Variants in PLAC1 observed in about 807,000 individuals in gnomAD.
PLAC1 encodes the protein placenta-specific protein 1.
For synonymous variants in PLAC1, 68 were observed against 62.1 expected (o/e 1.09, Z -0.44); for missense variants, 136 against 163.2 (o/e 0.83, Z 0.91).
intron 2 of PLAC1, among the ~76,000 whole-genome samples, chrX:134,681,635 A>C (rs192284016): frequency 8.9e-6 from 1 of 112,025 alleles, no homozygotes; most frequent in African/African-American, 3.2e-5. Context: ...AAGAAGGTAA[A>C]GATGAAAAAG....
chrX:134,763,848 G>GAAAGAA (rs1429004626), intron 1 of PLAC1, among the ~76,000 whole-genome samples: 1 of 106,455 alleles, frequency 9.4e-6, no homozygotes, highest in African/African-American at 3.4e-5. Flanking sequence ...AAGAAAGAAA[G>GAAAGAA]AAAGAAAGAA....
At chrX:134,665,196 G>T (rs1472230788) in intron 2 of PLAC1, among the ~76,000 whole-genome samples, 1 of 110,733 alleles carries the variant, frequency 9.0e-6, no homozygotes, top group African/African-American at 3.3e-5. Flanking sequence ...AACATTTCCA[G>T]CTTCTTAGAA....
chrX:134,587,922 A>C (rs1031774587), intron 2 of PLAC1, among the ~76,000 whole-genome samples: 8 of 111,426 alleles, frequency 7.2e-5, no homozygotes, highest in Non-Finnish European at 9.4e-5. Context: ...TAACCTCCAA[A>C]CTGTAAGAAA....
intron 1 of PLAC1, among the ~76,000 whole-genome samples, chrX:134,611,079 C>T (rs910565998): frequency 1.8e-5 from 2 of 110,669 alleles, no homozygotes; most frequent in African/African-American, 6.6e-5. Context: ...GGGGTTTTGC[C>T]ATGTTGCCCA....
Position 134,643,576 on chromosome X carries a change from T to C in PLAC1, c.-131+14752A>G, listed in dbSNP as rs189575858. Among the ~76,000 whole-genome samples the C allele has an allele frequency of 4.5e-5, 5 of 111,635 alleles. No individual in the cohort carries two copies. The East Asian group carries it at 1.1e-3, about 25-fold the overall frequency. ...GTTTATCTCAGAAATTCAAGGCTGG[T>C]TCACCATTAGAAAATATACCAATGT... On this transcript the variant is annotated intron_variant, in intron 1 of 2. Transcript: ENST00000359237.
At chrX:134,632,579 C>T (rs901118684) in intron 1 of PLAC1, among the ~76,000 whole-genome samples, 1 of 111,724 alleles carries the variant, frequency 9.0e-6, no homozygotes, top group African/African-American at 3.3e-5. Flanking sequence ...GGCTCCTCCA[C>T]AGATCTAACC....
At chrX:134,664,243 C>G (rs1255658059) in intron 2 of PLAC1, among the ~76,000 whole-genome samples, 1 of 112,146 alleles carries the variant, frequency 8.9e-6, no homozygotes, top group African/African-American at 3.2e-5. Flanking sequence ...ATTTGCATTT[C>G]TAATCAGTTC....
chrX:134,749,646 G>A (rs1451947586), intron 1 of PLAC1, among the ~76,000 whole-genome samples: 1 of 112,256 alleles, frequency 8.9e-6, no homozygotes, highest in Non-Finnish European at 1.9e-5. Context: ...AGAAAACTCT[G>A]TTCAGTTCAT....
chrX:134,661,910 A>T (rs1370904920), upstream of PLAC1, among the ~76,000 whole-genome samples: 1 of 112,193 alleles, frequency 8.9e-6, no homozygotes, highest in Admixed American at 9.5e-5. Context: ...TTAGAAATTA[A>T]ATTATATAAC....
intron 1 of PLAC1, among the ~76,000 whole-genome samples, chrX:134,641,853 C>T (rs1348570778): frequency 8.9e-6 from 1 of 112,006 alleles, no homozygotes; most frequent in Non-Finnish European, 1.9e-5. Context: ...TTCACATTCT[C>T]GAAACACCTC....
intron 2 of PLAC1, among the ~76,000 whole-genome samples, chrX:134,575,462 A>C (rs778849209): frequency 4.4e-4 from 48 of 109,965 alleles, no homozygotes; most frequent in South Asian, 7.9e-4. Flanking sequence ...AACAAACAAA[A>C]AAAAAAGAGC....
At chrX:134,687,057 A>G (rs1460496467) in intron 2 of PLAC1, among the ~76,000 whole-genome samples, 1 of 111,789 alleles carries the variant, frequency 8.9e-6, no homozygotes, top group Non-Finnish European at 1.9e-5. Context: ...GAAAGATATT[A>G]TGAAAGGGAT....
In PLAC1 at chrX:134,614,394, C is replaced by T. The variant is rs148147227; in HGVS notation, c.-130-12272G>A. ...TAAACTCCACTCTCTTAGGAAATTA[C>T]ATATAATGTCATTAACTATAGTCCT... On this transcript the variant is annotated intron_variant, in intron 1 of 2. Transcript: ENST00000359237. Among the ~76,000 whole-genome samples the T allele has an allele frequency of 4.0e-3, 449 of 110,940 alleles. 1 individual carries two copies. The highest frequency in any genetic ancestry group is 0.014 in the African/African-American group (434 of 30,485).
intron 1 of PLAC1, among the ~76,000 whole-genome samples, chrX:134,623,359 C>T (rs1167858732): frequency 8.9e-6 from 1 of 112,257 alleles, no homozygotes; most frequent in Non-Finnish European, 1.9e-5. Context: ...CTTTCAACTC[C>T]TGGATCCATA....
upstream of PLAC1, among the ~76,000 whole-genome samples, chrX:134,659,488 G>A (rs761081218): frequency 3.6e-5 from 4 of 111,184 alleles, no homozygotes; most frequent in South Asian, 1.6e-3. Flanking sequence ...TGGAATCTGA[G>A]CTCCTATGGA....
chrX:134,749,645 T>C (rs2078736599), intron 1 of PLAC1, among the ~76,000 whole-genome samples: 1 of 112,462 alleles, frequency 8.9e-6, no homozygotes, highest in Non-Finnish European at 1.9e-5. Context: ...AAGAAAACTC[T>C]GTTCAGTTCA....
chrX:134,566,241 C>T lies in PLAC1; in HGVS notation c.442G>A (p.Glu148Lys), dbSNP rs754995145. 1.9e-5 allele frequency: 23 copies of T among 1,209,713 alleles called. No homozygotes were observed. The East Asian group carries it at 2.1e-4, about 11-fold the overall frequency. ...CTGGACTGTGACAAGCTGAACACCT[C>T]GTAGCATTTCTCATCCTTCTGGGCT... is the stretch of plus-strand genomic sequence containing the variant. Reference protein sequence around the residue: ...ATAQKDEKCYEVFSLSQSSQR... With the variant: ...ATAQKDEKCYKVFSLSQSSQR... The change falls in exon 3 of 3, where the codon GAG becomes AAG. Residue 148 changes from glutamate (E) to lysine (K), a missense_variant. Physicochemically the swap from Glu to Lys is moderately conservative, Grantham distance 56. Transcript: ENST00000359237.
In PLAC1 at chrX:134,648,744, A is replaced by G. The variant is rs748203523; in HGVS notation, c.-131+9584T>C. On this transcript the variant is annotated intron_variant, in intron 1 of 2. Transcript: ENST00000359237. ...ACCCTCTCCTCAAACACAGAACCCCATTATGTACGAAATGAATACAAGTGG... is the reference window on the plus strand; with the variant it reads ...ACCCTCTCCTCAAACACAGAACCCCGTTATGTACGAAATGAATACAAGTGG... Among the ~76,000 whole-genome samples, 3 of 111,423 alleles carry G rather than the reference A, an allele frequency of 2.7e-5. No individual in the cohort carries two copies. The Admixed American group carries it at 2.9e-4, about 11-fold the overall frequency.
chrX:134,659,490 T>A (rs2078407584), upstream of PLAC1, among the ~76,000 whole-genome samples: 1 of 110,701 alleles, frequency 9.0e-6, no homozygotes, highest in Non-Finnish European at 1.9e-5. Flanking sequence ...GAATCTGAGC[T>A]CCTATGGAAA....
Sources: gnomAD v4.1 joint callset for allele counts (sites outside exome capture counted in the v4.1 genomes callset) on GRCh38, gnomAD v4.1.1 for gene constraint, MANE v1.5 for transcripts, NCBI Gene and HGNC (gene_info 2026-07-23, HGNC 2026-07-21) for gene names.